ZNF385B: variants seen among roughly 807,000 people sequenced by gnomAD.
The protein encoded by ZNF385B is zinc finger protein 533.
Under a neutral mutation model 39.2 loss-of-function variants are expected in ZNF385B, and 23 were observed. That is an observed-to-expected ratio of 0.59 (90% CI 0.42 to 0.83). The LOEUF is 0.83. Ranked by LOEUF, ZNF385B falls within the 40% of genes least tolerant of loss-of-function variation. The pLI, the probability that ZNF385B is intolerant of heterozygous loss-of-function variation, is 0.00. For synonymous variants in ZNF385B, 205 were observed against 222.6 expected, an observed-to-expected ratio of 0.92 and a Z score of 0.70; for missense variants, 552 against 598.9, an observed-to-expected ratio of 0.92 and a Z score of 0.82.
At chr2:179,765,286 C>T (rs1703622399) in intron 3 of ZNF385B, among the ~76,000 whole-genome samples, 1 of 152,146 alleles carries the variant, frequency 6.6e-6, no homozygotes, top group Non-Finnish European at 1.5e-5. Context: ...TAAGTATAAA[C>T]CTGCTAATGA....
At chr2:179,773,217 T>C (rs1704115329) in intron 1 of ZNF385B, among the ~76,000 whole-genome samples, 1 of 152,220 alleles carries the variant, frequency 6.6e-6, no homozygotes, top group African/African-American at 2.4e-5. Flanking sequence ...AAGACATCTC[T>C]GTTGCATATG....
chr2:179,691,634 C>T (rs567782135), intron 3 of ZNF385B, among the ~76,000 whole-genome samples: 61 of 152,206 alleles, frequency 4.0e-4, no homozygotes, highest in African/African-American at 1.4e-3. Context: ...CTAAAAAGTA[C>T]TGAAGTTTCA....
chr2:179,748,846 C>T (rs1005169761), intron 3 of ZNF385B, among the ~76,000 whole-genome samples: 4 of 152,174 alleles, frequency 2.6e-5, no homozygotes, highest in African/African-American at 9.6e-5. Flanking sequence ...AGAACATCCG[C>T]TGTCTTCAAA....
At chr2:179,783,765 A>G (rs1704819075) in intron 1 of ZNF385B, among the ~76,000 whole-genome samples, 1 of 152,168 alleles carries the variant, frequency 6.6e-6, no homozygotes. Context: ...TGCCAATCAA[A>G]ATGAGATACC....
chr2:179,565,182 C>CTT (rs373415542), intron 3 of ZNF385B, among the ~76,000 whole-genome samples: 3 of 152,182 alleles, frequency 2.0e-5, no homozygotes, highest in African/African-American at 7.2e-5. Context: ...TCTCCTGTGG[C>CTT]TTCTCTCAGT....
chr2:179,712,355 T>C (rs1376251232), intron 3 of ZNF385B, among the ~76,000 whole-genome samples: 1 of 152,222 alleles, frequency 6.6e-6, no homozygotes, highest in East Asian at 1.9e-4. Context: ...TCTACCCTAC[T>C]ACTAGCCTCC....
chr2:179,602,388 G>C (rs182306022), intron 3 of ZNF385B, among the ~76,000 whole-genome samples: 1 of 152,184 alleles, frequency 6.6e-6, no homozygotes, highest in Admixed American at 6.5e-5. Flanking sequence ...TAGAGACAGG[G>C]TTTCACCATG....
intron 4 of ZNF385B, among the ~76,000 whole-genome samples, chr2:179,536,917 G>C (rs116701274): frequency 6.6e-6 from 1 of 152,174 alleles, no homozygotes; most frequent in Non-Finnish European, 1.5e-5. Flanking sequence ...AAGTAGAGAA[G>C]AGGGAGATTT....
At position 179,776,507 on chromosome 2, in the gene ZNF385B, C is replaced by A. The variant is rs947617336; in HGVS notation, c.-154-5835G>T. The stretch of plus-strand genomic sequence containing the variant: ...TATCTATTTACAATTGTTGAATTAT[C>A]CTCTTGTATAACATCCCGCACCTTT... On this transcript the variant is annotated intron_variant, in intron 1 of 9. Transcript: ENST00000410066. 2.6e-5 allele frequency among the ~76,000 whole-genome samples: 4 copies of A among 152,222 alleles called. No homozygotes were observed. The East Asian group carries it at 5.8e-4, about 22-fold the overall frequency.
intron 3 of ZNF385B, among the ~76,000 whole-genome samples, chr2:179,637,035 T>A (rs1691823396): frequency 1.3e-5 from 2 of 152,204 alleles, no homozygotes; most frequent in African/African-American, 4.8e-5. Flanking sequence ...AAAAAACTCA[T>A]AGCAAGTAAT....
chr2:179,679,766 T>G (rs1697349042), intron 3 of ZNF385B, among the ~76,000 whole-genome samples: 1 of 152,178 alleles, frequency 6.6e-6, no homozygotes, highest in Non-Finnish European at 1.5e-5. Flanking sequence ...TGCCTTCTAA[T>G]GTGCTGTTCA....
chr2:179,673,718 C>T (rs780800076), intron 3 of ZNF385B, among the ~76,000 whole-genome samples: 7 of 152,170 alleles, frequency 4.6e-5, no homozygotes, highest in Non-Finnish European at 1.0e-4. Context: ...GACATCAACT[C>T]AAACTACAAA....
chr2:179,724,154 C>A (rs1003365217), intron 3 of ZNF385B, among the ~76,000 whole-genome samples: 2 of 151,930 alleles, frequency 1.3e-5, no homozygotes, highest in African/African-American at 4.8e-5. Context: ...ACGAAAAATA[C>A]AAAAATTCAC....
intron 5 of ZNF385B, among the ~76,000 whole-genome samples, chr2:179,497,792 C>G (rs944413225): frequency 6.6e-6 from 1 of 152,038 alleles, no homozygotes; most frequent in Non-Finnish European, 1.5e-5. Context: ...GATGAAGAAA[C>G]AAAACCCATT....
chr2:179,679,175 T>C (rs1697267006), intron 3 of ZNF385B, among the ~76,000 whole-genome samples: 1 of 152,196 alleles, frequency 6.6e-6, no homozygotes, highest in Non-Finnish European at 1.5e-5. Flanking sequence ...GAATGACAGA[T>C]CCCATTTTAA....
chr2:179,632,815 T>C (rs1026549041), intron 3 of ZNF385B, among the ~76,000 whole-genome samples: 3 of 151,820 alleles, frequency 2.0e-5, no homozygotes, highest in Non-Finnish European at 4.4e-5. Context: ...GCAAGACTAA[T>C]AAAGACGAAA....
At chr2:179,526,535 C>T (rs1335321878) in intron 4 of ZNF385B, among the ~76,000 whole-genome samples, 1 of 151,844 alleles carries the variant, frequency 6.6e-6, no homozygotes. Context: ...GCAGAGGTTG[C>T]AGTGAGCCAA....
intron 1 of ZNF385B, among the ~76,000 whole-genome samples, chr2:179,842,229 T>G (rs1708573212): frequency 6.6e-6 from 1 of 152,230 alleles, no homozygotes; most frequent in African/African-American, 2.4e-5. Flanking sequence ...AAGGAGAATG[T>G]GACCCTGAAT....
At chr2:179,534,316 G>C (rs2059429795) in intron 4 of ZNF385B, among the ~76,000 whole-genome samples, 1 of 151,998 alleles carries the variant, frequency 6.6e-6, no homozygotes, top group African/African-American at 2.4e-5. Context: ...GAGATAAAAG[G>C]GATAGAAATA....
Sources: gnomAD v4.1 joint callset for allele counts (sites outside exome capture counted in the v4.1 genomes callset) on GRCh38, gnomAD v4.1.1 for gene constraint, MANE v1.5 for transcripts, NCBI Gene and HGNC (gene_info 2026-07-23, HGNC 2026-07-21) for gene names.